The following NECTIN3 variants were observed in gnomAD, a reference collection of about 807,000 sequenced individuals.
NECTIN3 encodes nectin cell adhesion molecule 3.
In NECTIN3, 8 loss-of-function variants were observed where a neutral mutation model predicts 49.4. That is an observed-to-expected ratio of 0.16 (90% CI 0.10 to 0.29). NECTIN3 has a LOEUF of 0.29. Ranked by LOEUF, NECTIN3 falls within the 10% of genes least tolerant of loss-of-function variation. The pLI is 1.00. For synonymous variants in NECTIN3, 277 were observed against 241.1 expected (o/e 1.15, Z -1.38); for missense variants, 581 against 654.6 (o/e 0.89, Z 1.23).
chr3:111,136,708 ATATT>A lies in NECTIN3; in HGVS notation c.*2497_*2500del, dbSNP rs1430131315. 1.1e-6 allele frequency: 1 copy of A among 916,214 alleles called. No individual in the cohort carries two copies. The highest frequency in any genetic ancestry group is 1.3e-6 in the Non-Finnish European group (1 of 767,480). 56.8% of individuals were successfully genotyped at this position (916,214 alleles called of 1,614,324 possible). On this transcript the variant is annotated 3_prime_UTR_variant, in exon 6 of 6. Transcript: ENST00000485303. Reference sequence around the variant, plus strand: ...ATGAATATTTGTACTATTTTTGGCCATATTTATATTTATTTCTTTCATATGGTTT... The same window carrying A: ...ATGAATATTTGTACTATTTTTGGCCATATATTTATTTCTTTCATATGGTTT...
At chr3:111,169,578 A>C (rs1010538366) in intron 7 of NECTIN3, among the ~76,000 whole-genome samples, 1 of 152,118 alleles carries the variant, frequency 6.6e-6, no homozygotes. Context: ...TTACTAGAGC[A>C]CATTTTAAAG....
chr3:111,167,382 T>C (rs867272354), intron 7 of NECTIN3, among the ~76,000 whole-genome samples: 2 of 152,176 alleles, frequency 1.3e-5, no homozygotes, highest in South Asian at 4.1e-4. Context: ...TGAAACAACA[T>C]GCAATTTATT....
chr3:111,180,331 A>C (rs2035604093), intron 7 of NECTIN3, among the ~76,000 whole-genome samples: 1 of 152,234 alleles, frequency 6.6e-6, no homozygotes, highest in South Asian at 2.1e-4. Flanking sequence ...AAATCTGTGA[A>C]TACTAAGGGT....
At chr3:111,129,653 A>ATT (rs34318879) in intron 5 of NECTIN3, among the ~76,000 whole-genome samples, 3 of 145,636 alleles carry the variant, frequency 2.1e-5, no homozygotes, top group African/African-American at 5.0e-5. Context: ...ATATGAGATA[A>ATT]TTTTTTTTTT....
intron 7 of NECTIN3, among the ~76,000 whole-genome samples, chr3:111,182,316 T>C (rs1298533524): frequency 6.6e-6 from 1 of 152,130 alleles, no homozygotes; most frequent in African/African-American, 2.4e-5. Flanking sequence ...TTGTTGGATG[T>C]GGTGGTTTAT....
intron 3 of NECTIN3, 42 bp downstream of exon 3, chr3:111,118,994 A>G: frequency 6.8e-7 from 1 of 1,463,704 alleles, no homozygotes; most frequent in East Asian, 2.3e-5. Flanking sequence ...ATTTGTCAGC[A>G]TGTTTATCAA....
intron 7 of NECTIN3, among the ~76,000 whole-genome samples, chr3:111,160,873 G>C (rs1227218051): frequency 2.0e-5 from 3 of 152,126 alleles, no homozygotes; most frequent in African/African-American, 7.2e-5. Context: ...CGGGTGTGTT[G>C]GTGGGCAGCT....
intron 1 of NECTIN3, among the ~76,000 whole-genome samples, chr3:111,077,812 G>A (rs1000916481): frequency 6.6e-6 from 1 of 152,010 alleles, no homozygotes; most frequent in African/African-American, 2.4e-5. Flanking sequence ...CATGTAGTAG[G>A]CACTCATATT....
At chr3:111,114,368 C>T (rs541431336) in intron 2 of NECTIN3, among the ~76,000 whole-genome samples, 1 of 152,188 alleles carries the variant, frequency 6.6e-6, no homozygotes, top group African/African-American at 2.4e-5. Flanking sequence ...CCATTCTTGA[C>T]CCGTTTCCCC....
chr3:111,081,941 T>C (rs957652112), intron 1 of NECTIN3, among the ~76,000 whole-genome samples: 3 of 152,194 alleles, frequency 2.0e-5, no homozygotes, highest in Non-Finnish European at 4.4e-5. Flanking sequence ...CATGACTTGA[T>C]AGATTGTATA....
chr3:111,158,091 AAAT>A (rs2035134146), intron 7 of NECTIN3, among the ~76,000 whole-genome samples: 1 of 152,112 alleles, frequency 6.6e-6, no homozygotes, highest in Admixed American at 6.6e-5. Flanking sequence ...TTCTTCTTGA[AAAT>A]GTGAATTAAA....
intron 1 of NECTIN3, among the ~76,000 whole-genome samples, chr3:111,096,733 A>G (rs763523716): frequency 2.0e-4 from 31 of 152,184 alleles, no homozygotes; most frequent in East Asian, 1.9e-4. Context: ...GGAAGCCCCA[A>G]GCCTTGGCAG....
chr3:111,118,261 T>TATATAC (rs1553723402), intron 2 of NECTIN3, among the ~76,000 whole-genome samples: 6 of 125,554 alleles, frequency 4.8e-5, no homozygotes, highest in African/African-American at 1.7e-4. Context: ...TATATATATA[T>TATATAC]ATATATATAT....
chr3:111,076,777 C>G (rs2031228485), intron 1 of NECTIN3, among the ~76,000 whole-genome samples: 1 of 151,952 alleles, frequency 6.6e-6, no homozygotes, highest in African/African-American at 2.4e-5. Context: ...GAGTTTGAGT[C>G]CAGCCTGGCC....
chr3:111,154,906 A>G (rs1320014315), intron 7 of NECTIN3, among the ~76,000 whole-genome samples: 1 of 151,924 alleles, frequency 6.6e-6, no homozygotes, highest in Non-Finnish European at 1.5e-5. Flanking sequence ...ATAATTAGAT[A>G]TTTTCTCCCA....
At chr3:111,097,445 G>A (rs1447221714) in intron 1 of NECTIN3, among the ~76,000 whole-genome samples, 10 of 152,140 alleles carry the variant, frequency 6.6e-5, no homozygotes, top group Middle Eastern at 3.2e-3. Context: ...GGACTCTTGG[G>A]AAGGCATGAT....
chr3:111,109,793 C>G (rs963094175), intron 1 of NECTIN3, among the ~76,000 whole-genome samples: 1 of 151,866 alleles, frequency 6.6e-6, no homozygotes, highest in African/African-American at 2.4e-5. Flanking sequence ...TATTTCTACC[C>G]TGTTTTTAAA....
At chr3:111,189,570 A>G (rs2035778582), upstream of NECTIN3, among the ~76,000 whole-genome samples, 1 of 152,236 alleles carries the variant, frequency 6.6e-6, no homozygotes, top group Non-Finnish European at 1.5e-5. Context: ...TGCAGCAGTG[A>G]GTGATGTGAA....
intron 7 of NECTIN3, among the ~76,000 whole-genome samples, chr3:111,185,478 A>T (rs1383158718): frequency 7.0e-6 from 1 of 143,156 alleles, no homozygotes; most frequent in Non-Finnish European, 1.5e-5. Flanking sequence ...TTAGTCTGGT[A>T]TTAGTTCTCC....
Sources: gnomAD v4.1 joint callset for allele counts (sites outside exome capture counted in the v4.1 genomes callset) on GRCh38, gnomAD v4.1.1 for gene constraint, MANE v1.5 for transcripts, NCBI Gene and HGNC (gene_info 2026-07-23, HGNC 2026-07-21) for gene names.